The following SIRT5 variants were observed in gnomAD, a reference collection of about 807,000 sequenced individuals.
SIRT5 encodes the protein sirtuin 5.
A neutral mutation model predicts 40.0 loss-of-function variants in SIRT5; 26 were observed. That is an observed-to-expected ratio of 0.65 (90% CI 0.48 to 0.90). The LOEUF (loss-of-function observed/expected upper bound fraction) is 0.90. Among genes scored for constraint, SIRT5 ranks in the 40% least tolerant of loss-of-function variants. SIRT5 has a pLI of 0.00. For missense variants in SIRT5, 401 were observed against 402.4 expected, an observed-to-expected ratio of 1.00 and a Z score of 0.03; for synonymous variants, 146 against 149.1, an observed-to-expected ratio of 0.98 and a Z score of 0.15.
upstream of SIRT5, among the ~76,000 whole-genome samples, chr6:13,574,359 C>A (rs1048041115): frequency 2.0e-5 from 3 of 152,050 alleles, no homozygotes; most frequent in East Asian, 3.9e-4. Context: ...CCCGCTCGGG[C>A]TCCGGCTTCG....
At chr6:13,588,500 C>G (rs139462803) in intron 4 of SIRT5, 36 bp downstream of exon 4, 2 of 1,598,800 alleles carry the variant, frequency 1.3e-6, no homozygotes, top group African/African-American at 1.4e-5. Context: ...AAGCCTCTGT[C>G]GAATGAAACC....
intron 2 of SIRT5, among the ~76,000 whole-genome samples, chr6:13,582,121 G>C (rs1253830598): frequency 6.6e-6 from 1 of 152,138 alleles, no homozygotes; most frequent in Non-Finnish European, 1.5e-5. Context: ...CTCGCAACTT[G>C]CTCGAGTACA....
At chr6:13,592,423 C>A (rs557669624) in intron 5 of SIRT5, among the ~76,000 whole-genome samples, 1 of 152,334 alleles carries the variant, frequency 6.6e-6, no homozygotes, top group South Asian at 2.1e-4. Flanking sequence ...ACTGCAGCAT[C>A]TTGGGGTCTC....
rs533969960 is a variant in SIRT5, at chr6:13,587,381, C to T, written c.116-950C>T. 1.8e-4 allele frequency among the ~76,000 whole-genome samples: 28 copies of T among 152,244 alleles called. No individual in the cohort carries two copies. The South Asian group carries it at 5.4e-3, about 29-fold the overall frequency. ...GAGAGAAGCAGAAACAAGCTGTGTC[C>T]CCAGCTGACCTCCCTTTCCCAGTTT... is the stretch of plus-strand genomic sequence containing the variant. On this transcript the variant is annotated intron_variant, in intron 3 of 9. Transcript: ENST00000606117.
chr6:13,605,088 G>T, intron 9 of SIRT5: 2 of 985,962 alleles, frequency 2.0e-6, no homozygotes, highest in Non-Finnish European at 2.4e-6. Flanking sequence ...GCAATTGAGA[G>T]GACTGTTTAA....
intron 9 of SIRT5, among the ~76,000 whole-genome samples, chr6:13,604,316 T>C (rs1398474936): frequency 1.2e-4 from 18 of 152,258 alleles, no homozygotes; most frequent in Admixed American, 9.2e-4. Context: ...CTGGGCCACT[T>C]AGCATGACTA....
rs1764064563 is a variant in SIRT5 at position 13,612,870 on chromosome 6, C to T, written c.*1005C>T. The stretch of plus-strand genomic sequence containing the variant: ...TCAACAGTGAAGTGTTTCTCAGCAT[C>T]ATAAAGGCAGAAGCTGTGGTTCCTG... On this transcript the variant is annotated 3_prime_UTR_variant, in exon 10 of 10. Coordinates refer to ENST00000606117, the MANE Select transcript of SIRT5 (RefSeq NM_012241.5). 1 of 152,216 alleles carries T rather than the reference C, an allele frequency of 6.6e-6. No individual in the cohort carries two copies. Among genetic ancestry groups the T allele is most frequent in the Non-Finnish European group, 1.5e-5 (1 of 68,054 alleles). 9.4% of individuals were successfully genotyped at this position (152,216 alleles called of 1,614,324 possible). A position where few individuals can be genotyped will look rare whatever the true frequency, so the allele number is the denominator to read the frequency against.
chr6:13,609,444 G>A (rs2127738254), intron 9 of SIRT5, among the ~76,000 whole-genome samples: 1 of 152,310 alleles, frequency 6.6e-6, no homozygotes, highest in Admixed American at 6.5e-5. Flanking sequence ...TAGCAGGGCT[G>A]TACAATGTAA....
At chr6:13,582,299 A>G (rs1257778170) in intron 2 of SIRT5, among the ~76,000 whole-genome samples, 1 of 152,166 alleles carries the variant, frequency 6.6e-6, no homozygotes, top group Non-Finnish European at 1.5e-5. Flanking sequence ...CAAATGCAAG[A>G]AAGTTAAGGT....
chr6:13,606,227 T>C (rs1015294161), intron 9 of SIRT5, among the ~76,000 whole-genome samples: 5 of 152,088 alleles, frequency 3.3e-5, no homozygotes, highest in Admixed American at 1.3e-4. Flanking sequence ...ATAAGAGCTT[T>C]TCAGACACTG....
intron 3 of SIRT5, among the ~76,000 whole-genome samples, chr6:13,586,295 G>A (rs2127633514): frequency 6.6e-6 from 1 of 152,288 alleles, no homozygotes; most frequent in Non-Finnish European, 1.5e-5. Flanking sequence ...TGCTTTTGGT[G>A]TTTTAGTCAT....
rs1295497779 is a variant in SIRT5, at chr6:13,600,795, G to A, written c.742-39G>A. The A allele has an allele frequency of 1.1e-5, 16 of 1,468,244 alleles. No individual in the cohort carries two copies. The Admixed American group carries it at 1.1e-4, about 10-fold the overall frequency. The allele number at this position is 1,468,244 out of a possible 1,614,324, so 91.0% of individuals were successfully genotyped here. A position where few individuals can be genotyped will look rare whatever the true frequency, so the allele number is the denominator to read the frequency against. On this transcript the variant is annotated intron_variant, in intron 8 of 9. Transcript: ENST00000606117. ...TGAAATAATGTTCCTTCTCCTTGTC[G>A]TCTGGCTGTTTGTTCATCTCCGTGT...
chr6:13,602,484 G>A (rs1235650167), intron 9 of SIRT5, among the ~76,000 whole-genome samples: 20 of 148,008 alleles, frequency 1.4e-4, no homozygotes, highest in Non-Finnish European at 1.5e-5. Context: ...TGGGCAACAA[G>A]AGTAAAACTC....
chr6:13,582,643 C>T (rs548179799), intron 2 of SIRT5, among the ~76,000 whole-genome samples: 16 of 151,160 alleles, frequency 1.1e-4, no homozygotes, highest in African/African-American at 3.9e-4. Context: ...TCCCGCATGC[C>T]CCTTTTTAAT....
Position 13,595,477 on chromosome 6 carries a change from G to T in SIRT5, c.476G>T (p.Gly159Val), listed in dbSNP as rs751655170. Reference sequence around the variant, plus strand: ...GATTTGCTTCATATGTATTTTTCAGGTAGCTTATTTAAAACTCGATGTACC... The same window carrying T: ...GATTTGCTTCATATGTATTTTTCAGTTAGCTTATTTAAAACTCGATGTACC... ...AGTKNLLEIH[G>V]SLFKTRCTSC... The change falls in exon 6 of 10, where the codon GGT becomes GTT. Residue 159 changes from glycine (G) to valine (V), a missense_variant and splice_region_variant. Gly to Val is a moderately radical substitution (Grantham distance 109, BLOSUM62 -3). Transcript: ENST00000606117. The T allele has an allele frequency of 6.2e-7, 1 of 1,612,664 alleles. No individual in the cohort carries two copies.
At chr6:13,582,060 C>G (rs1048985549) in intron 2 of SIRT5, among the ~76,000 whole-genome samples, 5 of 152,308 alleles carry the variant, frequency 3.3e-5, no homozygotes, top group African/African-American at 1.2e-4. Flanking sequence ...TCTAATCAGT[C>G]CATTCCAGGT....
Position 13,584,186 on chromosome 6 carries a change from C to T in SIRT5, c.76C>T (p.Arg26Ter), listed in dbSNP as rs200955506. 1.9e-5 allele frequency: 30 copies of T among 1,614,152 alleles called. 1 individual carries two copies. Among genetic ancestry groups the T allele is most frequent in the Admixed American group, 8.3e-5 (5 of 60,022 alleles). ...YCGLKPPAST[R>*]NQICLKMARP... ...TGGCCTGAAGCCTCCAGCGTCCACA[C>T]GAAACCAGATTTGCCTGAAAATGGC... The change falls in exon 3 of 10, where the codon CGA becomes TGA. Residue 26 changes from arginine to a stop codon, truncating the protein, a stop_gained. Coordinates refer to ENST00000606117, the MANE Select transcript of SIRT5 (RefSeq NM_012241.5). LOFTEE classifies it high-confidence loss of function.
chr6:13,605,726 T>G (rs1384564997), intron 9 of SIRT5: 1 of 985,342 alleles, frequency 1.0e-6, no homozygotes, highest in African/African-American at 1.7e-5. Flanking sequence ...ACCCTAGGCA[T>G]TTTTGAATTT....
At chr6:13,600,796 TCTGG>T (rs746520641) in intron 8 of SIRT5, 34 bp from the exon 9 acceptor site, 17 of 1,473,074 alleles carry the variant, frequency 1.2e-5, no homozygotes, top group Middle Eastern at 1.8e-4. Flanking sequence ...CTCCTTGTCG[TCTGG>T]CTGTTTGTTC....
Sources: gnomAD v4.1 joint callset for allele counts (sites outside exome capture counted in the v4.1 genomes callset) on GRCh38, gnomAD v4.1.1 for gene constraint, MANE v1.5 for transcripts, NCBI Gene and HGNC (gene_info 2026-07-23, HGNC 2026-07-21) for gene names.